Variants in CSMD1 observed in about 807,000 individuals in gnomAD.
CSMD1 encodes the protein CUB and Sushi multiple domains 1.
In CSMD1, 213 loss-of-function variants were observed where a neutral mutation model predicts 417.5. The observed-to-expected ratio is 0.51, with a 90% CI of 0.46 to 0.57. The LOEUF (loss-of-function observed/expected upper bound fraction) is 0.57. Ranked by LOEUF, CSMD1 falls within the 20% of genes least tolerant of loss-of-function variation. The pLI is 0.00. For synonymous variants in CSMD1, 2,862 were observed against 1,736.8 expected (o/e 1.65, Z -16.11); for missense variants, 6,923 against 4,529.7 (o/e 1.53, Z -15.17).
chr8:4,931,535 C>T (rs1269496918), intron 1 of CSMD1, among the ~76,000 whole-genome samples: 5 of 152,028 alleles, frequency 3.3e-5, no homozygotes, highest in Admixed American at 2.6e-4. Flanking sequence ...CGCAAGGTGA[C>T]TGCCTTGGAG....
chr8:4,550,947 A>G (rs560368034), intron 2 of CSMD1, among the ~76,000 whole-genome samples: 2 of 152,302 alleles, frequency 1.3e-5, no homozygotes, highest in African/African-American at 2.4e-5. Flanking sequence ...TCTGACTATG[A>G]GCATTTCAAC....
chr8:2,964,846 G>C (rs1462479100), intron 59 of CSMD1, among the ~76,000 whole-genome samples: 1 of 152,134 alleles, frequency 6.6e-6, no homozygotes, highest in East Asian at 1.9e-4. Flanking sequence ...TGAGCATTCA[G>C]GTCACATTTA....
intron 1 of CSMD1, among the ~76,000 whole-genome samples, chr8:4,691,325 C>A (rs1232801031): frequency 6.6e-6 from 1 of 152,128 alleles, no homozygotes; most frequent in Non-Finnish European, 1.5e-5. Flanking sequence ...TTCCTGATAA[C>A]CTCTACCACA....
intron 1 of CSMD1, among the ~76,000 whole-genome samples, chr8:4,874,287 C>G (rs1430491708): frequency 1.3e-5 from 2 of 151,718 alleles, no homozygotes; most frequent in Non-Finnish European, 2.9e-5. Flanking sequence ...ATTCTAAAAT[C>G]TAAATTTCTA....
At chr8:3,505,476 G>C (rs1039639068) in intron 10 of CSMD1, among the ~76,000 whole-genome samples, 2 of 152,160 alleles carry the variant, frequency 1.3e-5, no homozygotes, top group East Asian at 1.9e-4. Context: ...TTAAAGAGTT[G>C]AGAAGGAAGA....
chr8:3,839,090 T>A (rs1458609495), intron 5 of CSMD1, among the ~76,000 whole-genome samples: 1 of 111,398 alleles, frequency 9.0e-6, no homozygotes, highest in South Asian at 2.6e-4. Flanking sequence ...CTATATATAA[T>A]ATAATATAGC....
intron 5 of CSMD1, among the ~76,000 whole-genome samples, chr8:3,972,255 A>T (rs1813141288): frequency 1.3e-5 from 2 of 152,256 alleles, no homozygotes; most frequent in South Asian, 4.1e-4. Context: ...AATAGTATTG[A>T]CCTTGTGTTC....
intron 1 of CSMD1, among the ~76,000 whole-genome samples, chr8:4,763,600 C>T (rs993544318): frequency 3.3e-5 from 5 of 152,038 alleles, no homozygotes; most frequent in African/African-American, 4.8e-5. Context: ...ATGACTTATG[C>T]CTCCACTCTT....
intron 2 of CSMD1, among the ~76,000 whole-genome samples, chr8:4,595,934 C>A (rs1800252029): frequency 6.6e-6 from 1 of 152,034 alleles, no homozygotes; most frequent in Non-Finnish European, 1.5e-5. Flanking sequence ...AAATCTTGCT[C>A]TTACTAAACT....
At chr8:4,463,740 G>T (rs1341662945) in intron 2 of CSMD1, among the ~76,000 whole-genome samples, 1 of 152,186 alleles carries the variant, frequency 6.6e-6, no homozygotes, top group Non-Finnish European at 1.5e-5. Context: ...CCTTTGGGCC[G>T]TGGGGCTGAG....
intron 10 of CSMD1, among the ~76,000 whole-genome samples, chr8:3,510,069 G>T (rs1323892728): frequency 6.6e-6 from 1 of 152,288 alleles, no homozygotes; most frequent in East Asian, 1.9e-4. Flanking sequence ...TAAGGATAAA[G>T]AAAATGAATT....
At chr8:3,415,719 T>C (rs1195836695) in intron 12 of CSMD1, among the ~76,000 whole-genome samples, 1 of 152,208 alleles carries the variant, frequency 6.6e-6, no homozygotes, top group African/African-American at 2.4e-5. Context: ...GAAGATTTTA[T>C]ATATTCTGGA....
chr8:4,635,495 G>A lies in CSMD1; in HGVS notation c.302+1847C>T, dbSNP rs993468677. 2.0e-5 allele frequency among the ~76,000 whole-genome samples: 3 copies of A among 152,076 alleles called. No individual in the cohort carries two copies. In the East Asian group the frequency reaches 5.8e-4, roughly 29 times the overall value. On this transcript the variant is annotated intron_variant, in intron 2 of 69. Coordinates refer to ENST00000635120, the MANE Select transcript of CSMD1 (RefSeq NM_033225.6). Reference sequence around the variant, plus strand: ...AGGTTTTCTATATATGAAAGAACTAGAGTAAATAAAAATATTGAGAGAAAG... The same window carrying A: ...AGGTTTTCTATATATGAAAGAACTAAAGTAAATAAAAATATTGAGAGAAAG...
At chr8:3,824,702 T>A (rs1801951028) in intron 5 of CSMD1, among the ~76,000 whole-genome samples, 1 of 152,224 alleles carries the variant, frequency 6.6e-6, no homozygotes, top group African/African-American at 2.4e-5. Context: ...TTTACCTGTA[T>A]CTTTTTACTC....
At chr8:3,556,774 C>G (rs1020341546) in intron 10 of CSMD1, among the ~76,000 whole-genome samples, 43 of 152,148 alleles carry the variant, frequency 2.8e-4, no homozygotes, top group African/African-American at 9.9e-4. Flanking sequence ...TGCTCAGCCT[C>G]TGATCATAGA....
At chr8:4,983,089 C>T (rs1046429436) in intron 1 of CSMD1, among the ~76,000 whole-genome samples, 1 of 152,168 alleles carries the variant, frequency 6.6e-6, no homozygotes, top group African/African-American at 2.4e-5. Context: ...AGATAACTTA[C>T]TCAGTATACA....
At chr8:3,805,841 G>C (rs957529148) in intron 5 of CSMD1, among the ~76,000 whole-genome samples, 1 of 152,026 alleles carries the variant, frequency 6.6e-6, no homozygotes, top group African/African-American at 2.4e-5. Flanking sequence ...CTTCCTTTAT[G>C]ACAAAAATTT....
chr8:4,029,836 C>G (rs1801556785), intron 4 of CSMD1, among the ~76,000 whole-genome samples: 1 of 152,096 alleles, frequency 6.6e-6, no homozygotes, highest in South Asian at 2.1e-4. Context: ...TAGTTACTTC[C>G]TAGACAAATG....
At chr8:3,358,157 T>G (rs1247695445) in intron 21 of CSMD1, among the ~76,000 whole-genome samples, 1 of 152,214 alleles carries the variant, frequency 6.6e-6, no homozygotes, top group Non-Finnish European at 1.5e-5. Flanking sequence ...AAATTTTATC[T>G]TCAGACCTTC....
Sources: gnomAD v4.1 joint callset for allele counts (sites outside exome capture counted in the v4.1 genomes callset) on GRCh38, gnomAD v4.1.1 for gene constraint, MANE v1.5 for transcripts, NCBI Gene and HGNC (gene_info 2026-07-23, HGNC 2026-07-21) for gene names.